Variants in ERCC6L2 observed in about 807,000 individuals in gnomAD.
The protein encoded by ERCC6L2 is ERCC excision repair 6 like 2, also known as DNA excision repair protein ERCC-6-like 2.
Under a neutral mutation model 132.0 loss-of-function variants are expected in ERCC6L2, and 77 were observed. That is an observed-to-expected ratio of 0.58 (90% confidence interval 0.49 to 0.71). The LOEUF (loss-of-function observed/expected upper bound fraction) is 0.71, where lower values mean the gene tolerates loss of function less well. Ranked by LOEUF, ERCC6L2 falls within the 30% of genes least tolerant of loss-of-function variation. The pLI is 0.00. For missense variants in ERCC6L2, 1,542 were observed against 1,837.6 expected, an observed-to-expected ratio of 0.84 and a Z score of 2.94; for synonymous variants, 583 against 632.4, an observed-to-expected ratio of 0.92 and a Z score of 1.17.
At chr9:96,012,156 C>G in intron 18 of ERCC6L2, 69 bp from the exon 19 acceptor site, 4 of 1,025,368 alleles carry the variant, frequency 3.9e-6, no homozygotes, top group Non-Finnish European at 5.1e-6. Flanking sequence ...TTTCCTCTTA[C>G]TGGTGATGAG....
chr9:95,896,198 G>A (rs1828450099), intron 2 of ERCC6L2, among the ~76,000 whole-genome samples: 1 of 152,000 alleles, frequency 6.6e-6, no homozygotes, highest in African/African-American at 2.4e-5. Context: ...TTTCTTTAGT[G>A]TGGCTCTTTT....
chr9:95,891,019 A>T (rs532764491), intron 2 of ERCC6L2, among the ~76,000 whole-genome samples: 2 of 152,260 alleles, frequency 1.3e-5, no homozygotes, highest in South Asian at 4.1e-4. Context: ...TCAAGACCAG[A>T]CTGACCAACA....
At chr9:95,978,990 A>G (rs1472706393) in intron 17 of ERCC6L2, among the ~76,000 whole-genome samples, 1 of 152,216 alleles carries the variant, frequency 6.6e-6, no homozygotes, top group Non-Finnish European at 1.5e-5. Context: ...TGACAAAGGA[A>G]TTAAATTACC....
chr9:95,907,259 A>G lies in ERCC6L2; in HGVS notation c.776A>G (p.Asp259Gly). 1 of 1,608,816 alleles carries G rather than the reference A, an allele frequency of 6.2e-7. No individual in the cohort carries two copies. Among genetic ancestry groups the G allele is most frequent in the Non-Finnish European group, 8.5e-7 (1 of 1,177,690 alleles). Reference protein sequence around the residue: ...TTYETLRLCLDELNSLEWSAV... With the variant: ...TTYETLRLCLGELNSLEWSAV... The stretch of plus-strand genomic sequence containing the variant: ...TATGAAACACTACGCTTATGCCTGG[A>G]TGAACTTAACAGGTAATGGGAATAA... Residue 259 changes from aspartate (D) to glycine (G), a missense_variant, in exon 4 of 19, where the codon GAT becomes GGT. By Grantham distance (94) the Asp-to-Gly change is moderately conservative. Around this residue, in one of 4 missense-constraint regions of ERCC6L2, gnomAD observed 945 missense variants for 1,105.2 expected, o/e 0.86. Coordinates refer to ENST00000653738, the MANE Select transcript of ERCC6L2 (RefSeq NM_020207.7).
rs752838487 is a variant in ERCC6L2 at position 95,941,476 on chromosome 9, T to G, written c.1774T>G (p.Phe592Val). 2.5e-6 allele frequency: 4 copies of G among 1,613,236 alleles called. No homozygotes were observed. Among genetic ancestry groups the G allele is most frequent in the Non-Finnish European group, 1.7e-6 (2 of 1,179,572 alleles). The change falls in exon 12 of 19, where the codon TTT becomes GTT. Residue 592 changes from phenylalanine to valine, a missense_variant. Physicochemically the swap from Phe to Val is conservative, Grantham distance 50. This residue lies in a region of ERCC6L2 where 945 missense variants were observed against 1,105.2 expected (regional missense o/e 0.86). Transcript: ENST00000653738. The stretch of plus-strand genomic sequence containing the variant: ...CAGGGCTGGTGGACTAGGCCTCAAT[T>G]TTGTCGGTGCCAATGTTGTTGTATT... ...STMAGGLGLNFVGANVVVLFD... is the reference protein window; with the variant it reads ...STMAGGLGLNVVGANVVVLFD...
At chr9:95,916,535 T>C in intron 6 of ERCC6L2, 101 bp downstream of exon 6, 1 of 1,004,246 alleles carries the variant, frequency 1.0e-6, no homozygotes, top group East Asian at 2.8e-5. Flanking sequence ...AATACAGTTT[T>C]TTGCCTTTTA....
At position 95,916,303 on chromosome 9, in the gene ERCC6L2, C is replaced by T. The variant is rs1420413391; in HGVS notation, c.1027C>T (p.His343Tyr). Reference protein sequence around the residue: ...FSDPVEHGQRHTATKRELATG... With the variant: ...FSDPVEHGQRYTATKRELATG... Reference sequence around the variant, plus strand: ...TGACCCAGTAGAACATGGTCAGAGACACACGGCAACAAAGAGAGAACTAGC... The same window carrying T: ...TGACCCAGTAGAACATGGTCAGAGATACACGGCAACAAAGAGAGAACTAGC... The change falls in exon 6 of 19, where the codon CAC (histidine) becomes TAC (tyrosine). Residue 343 changes from histidine to tyrosine, a missense_variant. Transcript: ENST00000653738. The T allele has an allele frequency of 6.2e-7, 1 of 1,614,104 alleles. No individual in the cohort carries two copies. Among genetic ancestry groups the T allele is most frequent in the Non-Finnish European group, 8.5e-7 (1 of 1,179,996 alleles).
chr9:95,927,112 G>A (rs988482878), intron 9 of ERCC6L2, among the ~76,000 whole-genome samples: 1 of 151,934 alleles, frequency 6.6e-6, no homozygotes, highest in African/African-American at 2.4e-5. Flanking sequence ...ATGTTTACCC[G>A]ATCCATAACA....
At chr9:95,933,270 A>T (rs1830418239) in intron 11 of ERCC6L2, among the ~76,000 whole-genome samples, 2 of 152,090 alleles carry the variant, frequency 1.3e-5, no homozygotes, top group Non-Finnish European at 2.9e-5. Flanking sequence ...AATTCCACCC[A>T]ATCCCCTAAC....
chr9:95,956,103 A>C (rs1468527088), intron 13 of ERCC6L2, 90 bp downstream of exon 13: 1 of 642,362 alleles, frequency 1.6e-6, no homozygotes, highest in East Asian at 3.0e-5. Flanking sequence ...GTAAGTTTTA[A>C]ATCTTACTGT....
intron 11 of ERCC6L2, among the ~76,000 whole-genome samples, chr9:95,929,905 T>C (rs1035373054): frequency 2.6e-5 from 4 of 152,202 alleles, no homozygotes; most frequent in East Asian, 1.9e-4. Flanking sequence ...CTCTTATCCT[T>C]CTTCTGCTCA....
chr9:96,008,058 C>G (rs539102499), intron 18 of ERCC6L2, among the ~76,000 whole-genome samples: 22 of 152,268 alleles, frequency 1.4e-4, no homozygotes, highest in African/African-American at 5.1e-4. Context: ...ACACAGTGTA[C>G]CTACCCACAG....
intron 16 of ERCC6L2, among the ~76,000 whole-genome samples, chr9:95,974,073 C>A (rs1464375894): frequency 1.3e-5 from 2 of 152,160 alleles, no homozygotes; most frequent in African/African-American, 4.8e-5. Flanking sequence ...CTATAGTAGG[C>A]ACAAAATGTT....
intron 13 of ERCC6L2, among the ~76,000 whole-genome samples, chr9:95,962,861 A>G (rs1368090575): frequency 1.3e-5 from 2 of 152,174 alleles, no homozygotes; most frequent in Non-Finnish European, 2.9e-5. Context: ...ATATAGCCCC[A>G]TCATAAATTA....
chr9:95,907,857 C>CACACACAAACACACACACACACACACA, intron 4 of ERCC6L2, among the ~76,000 whole-genome samples: 2,203 of 133,760 alleles, frequency 0.016, 41 homozygotes, highest in African/African-American at 0.036. Context: ...ACACACACAC[C>CACACACAAACACACACACACACACACA]CCCACACCCA....
chr9:95,947,555 A>G (rs1482107058), intron 12 of ERCC6L2, among the ~76,000 whole-genome samples: 1 of 152,236 alleles, frequency 6.6e-6, no homozygotes, highest in African/African-American at 2.4e-5. Context: ...AGGTACCTAC[A>G]TTAAACAACA....
intron 17 of ERCC6L2, among the ~76,000 whole-genome samples, chr9:95,979,732 A>G (rs1056554509): frequency 3.9e-5 from 6 of 152,140 alleles, no homozygotes; most frequent in Admixed American, 3.3e-4. Flanking sequence ...CCATCTCTCA[A>G]CCAACACTTT....
intron 13 of ERCC6L2, among the ~76,000 whole-genome samples, chr9:95,965,816 GC>G (rs757401985): frequency 2.6e-5 from 4 of 152,038 alleles, no homozygotes; most frequent in Admixed American, 1.3e-4. Context: ...CGGCCCTTAA[GC>G]ATCATTTTTT....
chr9:96,024,079 G>A (rs746187193), intron 19 of ERCC6L2, among the ~76,000 whole-genome samples: 1 of 152,162 alleles, frequency 6.6e-6, no homozygotes, highest in Non-Finnish European at 1.5e-5. Flanking sequence ...TCTTAAACAC[G>A]AATCACTTTC....
Sources: gnomAD v4.1 joint callset for allele counts (sites outside exome capture counted in the v4.1 genomes callset) on GRCh38, gnomAD v4.1.1 for gene constraint, gnomAD v4.1.1 regional missense constraint, MANE v1.5 for transcripts, NCBI Gene and HGNC (gene_info 2026-07-23, HGNC 2026-07-21) for gene names.